Variants in KLHL5 observed in about 807,000 individuals in gnomAD.
The protein encoded by KLHL5 is kelch like family member 5, also known as kelch-like protein 5.
A neutral mutation model predicts 77.7 loss-of-function variants in KLHL5; 48 were observed. The ratio of observed to expected loss-of-function variants is 0.62; its 90% CI spans 0.49 to 0.79. The LOEUF (loss-of-function observed/expected upper bound fraction) is 0.79, where lower values mean the gene tolerates loss of function less well. Ranked by LOEUF, KLHL5 falls within the 30% of genes least tolerant of loss-of-function variation. The pLI, the probability that KLHL5 is intolerant of heterozygous loss-of-function variation, is 0.00. For synonymous variants in KLHL5, 260 were observed against 297.0 expected (o/e 0.88, Z 1.28); for missense variants, 723 against 859.7 (o/e 0.84, Z 1.99).
At chr4:39,137,129 C>T in the KLHL5 span, among the ~76,000 whole-genome samples, 4 of 152,110 alleles carry the variant, frequency 2.6e-5, no homozygotes, top group African/African-American at 9.7e-5. Flanking sequence ...TTGTTGTAAA[C>T]TCACGGTTTT....
At chr4:39,088,584 A>T (rs1187973738) in intron 5 of KLHL5, among the ~76,000 whole-genome samples, 2 of 152,020 alleles carry the variant, frequency 1.3e-5, no homozygotes, top group Non-Finnish European at 2.9e-5. Context: ...TGGCAGGGAG[A>T]TGGTATCAGA....
At chr4:39,074,344 A>G (rs1320638584) in intron 1 of KLHL5, among the ~76,000 whole-genome samples, 1 of 152,234 alleles carries the variant, frequency 6.6e-6, no homozygotes, top group African/African-American at 2.4e-5. Flanking sequence ...TCTAAAACAG[A>G]TAAATCTTAG....
At chr4:39,089,753 T>G (rs148047747) in intron 5 of KLHL5, among the ~76,000 whole-genome samples, 2 of 152,324 alleles carry the variant, frequency 1.3e-5, no homozygotes, top group African/African-American at 4.8e-5. Flanking sequence ...AAATACAGAT[T>G]AGGCCTCACC....
intron 9 of KLHL5, among the ~76,000 whole-genome samples, chr4:39,114,864 G>C (rs1577744128): frequency 6.6e-6 from 1 of 152,188 alleles, no homozygotes; most frequent in African/African-American, 2.4e-5. Flanking sequence ...ATCTTACACA[G>C]AGCTTAATGC....
upstream of KLHL5, among the ~76,000 whole-genome samples, chr4:39,057,664 C>A (rs1481823114): frequency 2.6e-5 from 4 of 152,096 alleles, no homozygotes; most frequent in Non-Finnish European, 5.9e-5. Context: ...ATGCAACTTA[C>A]TCTTTTTATA....
At chr4:39,090,613 C>T (rs1030754769) in intron 5 of KLHL5, among the ~76,000 whole-genome samples, 1 of 151,984 alleles carries the variant, frequency 6.6e-6, no homozygotes, top group African/African-American at 2.4e-5. Flanking sequence ...CCACCCCCAA[C>T]TAATTTTGTA....
At chr4:39,068,799 A>G (rs1428911402) in intron 1 of KLHL5, among the ~76,000 whole-genome samples, 2 of 11,756 alleles carry the variant, frequency 1.7e-4, no homozygotes, top group African/African-American at 4.0e-4. Flanking sequence ...TTAGAATCAG[A>G]TATATTAGGC....
chr4:39,073,033 G>A (rs1300234747), intron 1 of KLHL5, among the ~76,000 whole-genome samples: 4 of 152,206 alleles, frequency 2.6e-5, no homozygotes, highest in African/African-American at 7.2e-5. Context: ...ACATATACAT[G>A]TATCAAAACA....
At chr4:39,106,190 G>A (rs1722023659) in intron 7 of KLHL5, among the ~76,000 whole-genome samples, 1 of 151,994 alleles carries the variant, frequency 6.6e-6, no homozygotes, top group Non-Finnish European at 1.5e-5. Flanking sequence ...TGGCCACCTT[G>A]TTGTCCCTTA....
Position 39,123,325 on chromosome 4 carries a change from C to T in KLHL5, c.*2259C>T, listed in dbSNP as rs1723334250. On this transcript the variant is annotated 3_prime_UTR_variant, in exon 11 of 11. Coordinates refer to ENST00000504108, the MANE Select transcript of KLHL5 (RefSeq NM_015990.5). Reference sequence around the variant, plus strand: ...AACACTAATCCTTCTCGAACTCTCCCAAAAAATGGAAGAGAAAGGAGCACC... The same window carrying T: ...AACACTAATCCTTCTCGAACTCTCCTAAAAAATGGAAGAGAAAGGAGCACC... Among the ~76,000 whole-genome samples the T allele has an allele frequency of 6.6e-6, 1 of 152,098 alleles. No homozygotes were observed. The highest frequency in any genetic ancestry group is 2.4e-5 in the African/African-American group (1 of 41,408).
intron 5 of KLHL5, chr4:39,093,295 A>C: frequency 2.3e-6 from 1 of 432,300 alleles, no homozygotes; most frequent in South Asian, 1.7e-5. Context: ...TGAAATGTCC[A>C]GCAAAAGCAA....
At chr4:39,072,517 C>T (rs967622063) in intron 1 of KLHL5, among the ~76,000 whole-genome samples, 8 of 152,170 alleles carry the variant, frequency 5.3e-5, no homozygotes, top group Non-Finnish European at 1.2e-4. Flanking sequence ...CATATCTGTA[C>T]TGTCCAATTT....
At chr4:39,143,025 G>A in the KLHL5 span, among the ~76,000 whole-genome samples, 1 of 152,010 alleles carries the variant, frequency 6.6e-6, no homozygotes. Flanking sequence ...TGTGGTAAAA[G>A]TGTATAAAGT....
chr4:39,054,042 T>G (rs1716843644), intron 1 of KLHL5, among the ~76,000 whole-genome samples: 1 of 152,248 alleles, frequency 6.6e-6, no homozygotes, highest in Non-Finnish European at 1.5e-5. Context: ...GTTCCTTAAG[T>G]ATTCTGTTCC....
rs776952776 is a variant in KLHL5 at position 39,113,176 on chromosome 4, G to A, written c.1845G>A (p.Gly615=). 4 of 1,614,086 alleles carry A rather than the reference G, an allele frequency of 2.5e-6. No homozygotes were observed. Among genetic ancestry groups the A allele is most frequent in the Non-Finnish European group, 2.5e-6 (3 of 1,179,966 alleles). The stretch of plus-strand genomic sequence containing the variant: ...GGAATGGACTGCTGTATGCTATAGG[G>A]GGGCACGATGCTCCCGCATCCAACT... ...TTWNGLLYAI[G]GHDAPASNLT... The change falls in exon 9 of 11, where the codon GGG becomes GGA. Residue 615 remains glycine (G), a synonymous_variant. Coordinates refer to ENST00000504108, the MANE Select transcript of KLHL5 (RefSeq NM_015990.5).
At chr4:39,083,900 A>AT (rs1354287763) in intron 4 of KLHL5, among the ~76,000 whole-genome samples, 3 of 151,978 alleles carry the variant, frequency 2.0e-5, no homozygotes, top group African/African-American at 4.8e-5. Context: ...GTTGTGTTAG[A>AT]TTTTTTTTCT....
At chr4:39,117,320 T>C (rs1043725480) in intron 10 of KLHL5, among the ~76,000 whole-genome samples, 1 of 152,034 alleles carries the variant, frequency 6.6e-6, no homozygotes, top group African/African-American at 2.4e-5. Context: ...CATATAATAA[T>C]GATTTTTTAA....
upstream of KLHL5, among the ~76,000 whole-genome samples, chr4:39,059,260 T>C (rs1717208860): frequency 6.6e-6 from 1 of 151,438 alleles, no homozygotes; most frequent in South Asian, 2.1e-4. Flanking sequence ...ATCAGAAATA[T>C]AAGAACTACA....
At position 39,062,989 on chromosome 4, in the gene KLHL5, G is replaced by T; in HGVS notation, c.337G>T (p.Asp113Tyr). The stretch of plus-strand genomic sequence containing the variant: ...TTGGCTGGATAGACCAGAAGTGGAT[G>T]ATGGCACTAGTGAAGAAGAAAATGA... ...AHWLDRPEVD[D>Y]GTSEEENESD... The change falls in exon 1 of 11, where the codon GAT becomes TAT. Residue 113 changes from aspartate to tyrosine, a missense_variant. By Grantham distance (160) the Asp-to-Tyr change is radical (BLOSUM62 -3). This residue lies in a region of KLHL5 where 221 missense variants were observed against 222.1 expected (regional missense o/e 1.00). Transcript: ENST00000504108. The T allele has an allele frequency of 3.1e-6, 5 of 1,613,652 alleles. No individual in the cohort carries two copies. The highest frequency in any genetic ancestry group is 4.2e-6 in the Non-Finnish European group (5 of 1,179,864).
Sources: allele counts gnomAD v4.1 joint callset (sites outside exome capture counted in the v4.1 genomes callset), GRCh38; gene constraint gnomAD v4.1.1; regional missense constraint gnomAD v4.1.1; transcripts MANE v1.5; gene names NCBI Gene and HGNC (gene_info 2026-07-23, HGNC 2026-07-21).